Variants in ADCY3 observed in about 807,000 individuals in gnomAD.
ADCY3 encodes adenylate cyclase type 3.
ADCY3 carries 70 observed loss-of-function variants against 119.4 expected under a neutral mutation model. The observed-to-expected ratio is 0.59, with a 90% CI of 0.48 to 0.72. The LOEUF is 0.72. Among genes scored for constraint, ADCY3 ranks in the 30% least tolerant of loss-of-function variants. The probability of loss-of-function intolerance (pLI) is 0.00; values close to 1 mark genes in which losing one functional copy is unlikely to be tolerated. For missense variants in ADCY3, 1,238 were observed against 1,541.6 expected (o/e 0.80, Z 3.30); for synonymous variants, 672 against 621.4 (o/e 1.08, Z -1.21).
intron 3 of ADCY3, among the ~76,000 whole-genome samples, chr2:24,867,812 C>G (rs2148780431): frequency 1.3e-5 from 2 of 152,176 alleles, no homozygotes; most frequent in South Asian, 4.2e-4. Context: ...AAGAATATTA[C>G]ATAAAATAAT....
At chr2:24,868,615 CAG>C (rs1249198185) in intron 3 of ADCY3, among the ~76,000 whole-genome samples, 1 of 151,886 alleles carries the variant, frequency 6.6e-6, no homozygotes, top group Non-Finnish European at 1.5e-5. Context: ...GCCTGGGTAA[CAG>C]AGCAAGATTC....
In ADCY3 at chr2:24,842,807, A is replaced by C. The variant is rs1671187043; in HGVS notation, c.826-423T>G. Among the ~76,000 whole-genome samples, 1 of 152,214 alleles carries C rather than the reference A, an allele frequency of 6.6e-6. No individual in the cohort carries two copies. Among genetic ancestry groups the C allele is most frequent in the Non-Finnish European group, 1.5e-5 (1 of 68,034 alleles). On this transcript the variant is annotated intron_variant, in intron 3 of 21. Transcript: ENST00000679454. This position sits in a 1 kb window ranked among gnomAD's most constrained non-coding sequence, Gnocchi z 4.9. ...CAAAATTCTGCTTTGACCTGATCAA[A>C]GACTGACAGCAGACCAGGCACTACA...
chr2:24,826,247 C>T (rs1668600866), intron 15 of ADCY3, 121 bp from the exon 16 acceptor site: 3 of 821,688 alleles, frequency 3.7e-6, no homozygotes, highest in Non-Finnish European at 5.8e-6. Flanking sequence ...ACCCCGGCTC[C>T]TTAGGCCCTT....
Position 24,821,622 on chromosome 2 carries a change from C to G in ADCY3, c.3022G>C (p.Glu1008Gln). The change falls in exon 20 of 22, where the codon GAG becomes CAG. Residue 1008 changes from glutamate (E) to glutamine (Q), a missense_variant. Glu to Gln is a conservative substitution (Grantham distance 29). Around this residue, in one of 7 missense-constraint regions of ADCY3, gnomAD observed 63 missense variants for 62.8 expected, o/e 1.00. Coordinates refer to ENST00000679454, the MANE Select transcript of ADCY3 (RefSeq NM_004036.5). ...SSNKEDKSER[E>Q]RWQHLADLAD... ...AGGTCAGCCAGGTGCTGCCAGCGCT[C>G]TCTCTCGGACTTGTCTTCCTGTGCC... 6.2e-7 allele frequency: 1 copy of G among 1,614,090 alleles called. No individual in the cohort carries two copies. The highest frequency in any genetic ancestry group is 1.1e-5 in the South Asian group (1 of 91,070).
rs770775631 is a variant in ADCY3 at position 24,827,591 on chromosome 2, A to G, written c.2450T>C (p.Leu817Ser). ...FREHDLPMVA[L>S]EQMQGFNPGL... is the part of the protein sequence containing the mutation. Reference sequence around the variant, plus strand: ...AGGGTTGAATCCTTGCATCTGCTCTAAGGCCACCATAGGTAAGCTGTTGGA... The same window carrying G: ...AGGGTTGAATCCTTGCATCTGCTCTGAGGCCACCATAGGTAAGCTGTTGGA... The change falls in exon 15 of 22, where the codon TTA (leucine) becomes TCA (serine). Residue 817 changes from leucine to serine, a missense_variant. By Grantham distance (145) the Leu-to-Ser change is moderately radical. Around this residue, in one of 7 missense-constraint regions of ADCY3, gnomAD observed 499 missense variants for 571.0 expected, o/e 0.87. Transcript: ENST00000679454. 2 of 1,588,484 alleles carry G rather than the reference A, an allele frequency of 1.3e-6. No individual in the cohort carries two copies. The highest frequency in any genetic ancestry group is 1.7e-6 in the Non-Finnish European group (2 of 1,164,364).
At chr2:24,836,304 A>T (rs1330168279) in intron 9 of ADCY3, among the ~76,000 whole-genome samples, 1 of 152,206 alleles carries the variant, frequency 6.6e-6, no homozygotes, top group Non-Finnish European at 1.5e-5. Context: ...GTTCTACGGC[A>T]TCTGCTCTAA....
rs17046717 is a variant in ADCY3 at position 24,898,196 on chromosome 2, C to A, written c.675+20117G>T. ...TACTGACCTCAGGATCGAAATCCAA[C>A]GTGCCCTTCACGGCCCAGCTCAGTA... On this transcript the variant is annotated intron_variant, in intron 2 of 21. Coordinates refer to ENST00000679454, the MANE Select transcript of ADCY3 (RefSeq NM_004036.5). The surrounding 1 kb of genome is among the most constrained non-coding windows in gnomAD (Gnocchi z 4.3). Among the ~76,000 whole-genome samples, 3,734 of 152,220 alleles carry A rather than the reference C, an allele frequency of 0.025. 64 individuals carry two copies. Among genetic ancestry groups the A allele is most frequent in the South Asian group, 0.051 (246 of 4,816 alleles).
At chr2:24,897,885 C>G (rs568908600) in intron 2 of ADCY3, among the ~76,000 whole-genome samples, 2 of 152,192 alleles carry the variant, frequency 1.3e-5, no homozygotes, top group Non-Finnish European at 2.9e-5. Context: ...CTCACATACT[C>G]TGCTGCTCAC....
At chr2:24,915,432 G>A (rs560101090) in intron 2 of ADCY3, among the ~76,000 whole-genome samples, 1 of 152,298 alleles carries the variant, frequency 6.6e-6, no homozygotes, top group Admixed American at 6.5e-5. Context: ...ATCCCAGGAG[G>A]CAACGGCAGC....
chr2:24,834,815 A>T lies in ADCY3; in HGVS notation c.1784T>A (p.Leu595His). The change falls in exon 10 of 22, where the codon CTT becomes CAT. Residue 595 changes from leucine to histidine, a missense_variant. Physicochemically the swap from Leu to His is moderately conservative, Grantham distance 99. Around this residue, in one of 7 missense-constraint regions of ADCY3, gnomAD observed 499 missense variants for 571.0 expected, o/e 0.87. Coordinates refer to ENST00000679454, the MANE Select transcript of ADCY3 (RefSeq NM_004036.5). The surrounding 1 kb of genome is among the most constrained non-coding windows in gnomAD (Gnocchi z 4.2). ...ELNQLLNEAL[L>H]ERESAQVVKK... ...TTACACTTGGGCGGACTCTCGCTCA[A>T]GCAGGGCCTCGTTGAGCAGCTGGTT... is the stretch of plus-strand genomic sequence containing the variant. 5 of 1,613,818 alleles carry T rather than the reference A, an allele frequency of 3.1e-6. No homozygotes were observed. In the East Asian group the frequency reaches 8.9e-5, roughly 29 times the overall value.
intron 3 of ADCY3, among the ~76,000 whole-genome samples, chr2:24,868,997 C>A (rs1028769607): frequency 7.2e-5 from 11 of 152,084 alleles, no homozygotes; most frequent in African/African-American, 2.7e-4. Context: ...GCACTCCAGC[C>A]TAAGTGACAG....
chr2:24,824,839 G>A (rs529907676), intron 16 of ADCY3, among the ~76,000 whole-genome samples: 25 of 152,260 alleles, frequency 1.6e-4, no homozygotes, highest in African/African-American at 5.8e-4. Flanking sequence ...GCAGTGAGCC[G>A]AGATCGCACC....
chr2:24,876,004 G>A (rs1337047465), intron 2 of ADCY3, among the ~76,000 whole-genome samples: 4 of 151,402 alleles, frequency 2.6e-5, no homozygotes, highest in Admixed American at 1.3e-4. Context: ...GGGCGGTGGT[G>A]CAGATAGAGA....
chr2:24,846,318 C>G (rs1233923070), intron 3 of ADCY3, among the ~76,000 whole-genome samples: 2 of 152,216 alleles, frequency 1.3e-5, no homozygotes, highest in Non-Finnish European at 2.9e-5. Context: ...GGAGGCTGTA[C>G]CCTGCAAAGC....
At chr2:24,849,988 G>C (rs1215150151) in intron 3 of ADCY3, among the ~76,000 whole-genome samples, 1 of 152,072 alleles carries the variant, frequency 6.6e-6, no homozygotes, top group African/African-American at 2.4e-5. Context: ...GTCCCCCACT[G>C]CTCTCCTTGT....
chr2:24,829,048 G>A (rs1248716304), intron 13 of ADCY3, among the ~76,000 whole-genome samples: 1 of 150,188 alleles, frequency 6.7e-6, no homozygotes. Flanking sequence ...ATGGAGTCTC[G>A]CTCTGTCGCC....
chr2:24,823,390 G>C, intron 17 of ADCY3, 35 bp from the exon 18 acceptor site: 1 of 1,600,128 alleles, frequency 6.2e-7, no homozygotes, highest in Non-Finnish European at 8.5e-7. Context: ...CTCAAAGCAT[G>C]TCCGACTGAC....
chr2:24,916,041 C>G (rs1664409660), intron 2 of ADCY3, among the ~76,000 whole-genome samples: 1 of 152,264 alleles, frequency 6.6e-6, no homozygotes, highest in African/African-American at 2.4e-5. Context: ...ACCTTGAGAG[C>G]TCTCTGCCCC....
chr2:24,877,234 C>T (rs1019727087), intron 2 of ADCY3, among the ~76,000 whole-genome samples: 1 of 152,362 alleles, frequency 6.6e-6, no homozygotes, highest in South Asian at 2.1e-4. Flanking sequence ...AAGCCTCACG[C>T]TGTTGGGTGG....
Sources: allele counts gnomAD v4.1 joint callset (sites outside exome capture counted in the v4.1 genomes callset), GRCh38; gene constraint gnomAD v4.1.1; regional missense constraint gnomAD v4.1.1; non-coding constraint Gnocchi (gnomAD v3.1); transcripts MANE v1.5; gene names NCBI Gene and HGNC (gene_info 2026-07-23, HGNC 2026-07-21).